TANGO2: variants seen among roughly 807,000 people sequenced by gnomAD.
TANGO2 encodes transport and golgi organization 2 homolog, also known as transport and Golgi organization protein 2 homolog.
In TANGO2, 26 loss-of-function variants were observed where a neutral mutation model predicts 39.1. The ratio of observed to expected loss-of-function variants is 0.67; its 90% confidence interval spans 0.49 to 0.92. The LOEUF (loss-of-function observed/expected upper bound fraction) is 0.92, where lower values mean the gene tolerates loss of function less well. Among genes scored for constraint, TANGO2 ranks in the 40% least tolerant of loss-of-function variants. The probability of loss-of-function intolerance (pLI) is 0.00; values close to 1 mark genes in which losing one functional copy is unlikely to be tolerated. For synonymous variants in TANGO2, 131 were observed against 144.5 expected (o/e 0.91, Z 0.67); for missense variants, 326 against 360.1 (o/e 0.91, Z 0.77).
Position 20,044,078 on chromosome 22 carries a change from G to A in TANGO2, c.145+635G>A, listed in dbSNP as rs189381263. ...GGTGGTGGGAGTCTACCTGGAAGGTGCGCATAGATGGCTGGTGAGGCCACG... is the reference window on the plus strand; with the variant it reads ...GGTGGTGGGAGTCTACCTGGAAGGTACGCATAGATGGCTGGTGAGGCCACG... On this transcript the variant is annotated intron_variant, in intron 3 of 8. Transcript: ENST00000327374. Among the ~76,000 whole-genome samples, 5 of 152,292 alleles carry A rather than the reference G, an allele frequency of 3.3e-5. No homozygotes were observed. The East Asian group carries it at 7.7e-4, about 24-fold the overall frequency.
intron 3 of TANGO2, among the ~76,000 whole-genome samples, chr22:20,046,002 T>C (rs1432953856): frequency 6.6e-6 from 1 of 152,118 alleles, no homozygotes; most frequent in Non-Finnish European, 1.5e-5. Flanking sequence ...GTGTGAGCAC[T>C]GGTGGTTCTT....
chr22:20,031,560 T>C (rs1413980766), intron 1 of TANGO2, among the ~76,000 whole-genome samples: 1 of 152,210 alleles, frequency 6.6e-6, no homozygotes, highest in Non-Finnish European at 1.5e-5. Context: ...CTGGGCTACA[T>C]ATCTGGGCTC....
chr22:20,043,283 T>C, intron 2 of TANGO2, 72 bp from the exon 3 acceptor site: 3 of 1,162,394 alleles, frequency 2.6e-6, no homozygotes, highest in Non-Finnish European at 2.6e-6. Flanking sequence ...GCCAGTTTTG[T>C]GTGTGAAAAG....
intron 1 of TANGO2, among the ~76,000 whole-genome samples, chr22:20,036,164 C>T (rs2042813078): frequency 1.3e-5 from 2 of 152,044 alleles, no homozygotes; most frequent in African/African-American, 4.8e-5. Context: ...AAGACAAGCC[C>T]CCAAAAAAAC....
chr22:20,055,828 A>T, intron 5 of TANGO2, 115 bp from the exon 6 acceptor site: 1 of 922,248 alleles, frequency 1.1e-6, no homozygotes. Context: ...ACCTGGCCGC[A>T]GCGGGCTACT....
intron 3 of TANGO2, among the ~76,000 whole-genome samples, chr22:20,044,805 G>C (rs961956293): frequency 1.3e-5 from 2 of 152,196 alleles, no homozygotes; most frequent in Admixed American, 1.3e-4. Context: ...AGATGAAGAT[G>C]TGGCGGCTCA....
chr22:20,035,977 T>A (rs1256231762), intron 1 of TANGO2, among the ~76,000 whole-genome samples: 1 of 152,176 alleles, frequency 6.6e-6, no homozygotes, highest in Non-Finnish European at 1.5e-5. Flanking sequence ...CCGCACTTAG[T>A]TGCCTTCACC....
At chr22:20,058,641 CAA>C (rs695705) in intron 6 of TANGO2, among the ~76,000 whole-genome samples, 67 of 106,518 alleles carry the variant, frequency 6.3e-4, no homozygotes, top group African/African-American at 2.1e-3. Context: ...GATTGCATCT[CAA>C]AAAAAAAAAA....
upstream of TANGO2, among the ~76,000 whole-genome samples, chr22:20,017,468 C>G (rs1486058346): frequency 6.6e-6 from 1 of 152,098 alleles, no homozygotes; most frequent in Non-Finnish European, 1.5e-5. Flanking sequence ...GAAGGGACCC[C>G]CTCGGTAAAC....
rs2047514391 is a variant in TANGO2, at chr22:20,057,093, AC to A, written c.451+1082del. ...GTGAGGTTGCAGGTCACAGGTGCACACCTTCCCACTGGGTGTACACGGTGGA... is the reference window on the plus strand; with the variant it reads ...GTGAGGTTGCAGGTCACAGGTGCACACTTCCCACTGGGTGTACACGGTGGA... On this transcript the variant is annotated intron_variant, in intron 6 of 8. Coordinates refer to ENST00000327374, the MANE Select transcript of TANGO2 (RefSeq NM_152906.7). The surrounding 1 kb of genome is among the most constrained non-coding windows in gnomAD (Gnocchi z 4.1). 2.5e-6 allele frequency: 1 copy of A among 404,384 alleles called. No homozygotes were observed. 25.0% of individuals were successfully genotyped at this position (404,384 alleles called of 1,614,324 possible).
chr22:20,056,606 C>A, intron 6 of TANGO2: 1 of 456,692 alleles, frequency 2.2e-6, no homozygotes, highest in Non-Finnish European at 4.4e-6. Flanking sequence ...TCGGGTGCTG[C>A]GATTTCCTGG....
chr22:20,043,590 C>G (rs2044437215), intron 3 of TANGO2, 147 bp downstream of exon 3: 1 of 599,722 alleles, frequency 1.7e-6, no homozygotes, highest in Non-Finnish European at 2.9e-6. Context: ...TGGTCGGGGC[C>G]AGCCCCAGCA....
Position 20,052,625 on chromosome 22 carries a change from G to T in TANGO2, c.265+41G>T, listed in dbSNP as rs746539414. The T allele has an allele frequency of 7.8e-6, 12 of 1,543,528 alleles. No homozygotes were observed. The East Asian group carries it at 2.0e-4, about 25-fold the overall frequency. On this transcript the variant is annotated intron_variant, in intron 4 of 8. Coordinates refer to ENST00000327374, the MANE Select transcript of TANGO2 (RefSeq NM_152906.7). ...TGGGGCCAAGGTGAGACAGGGTGGG[G>T]TGGGGCAGGCCTAGGTGAGACAAGG...
rs558413141 is a variant in TANGO2, at chr22:20,026,268, C to T, written c.-40+5022C>T. Among the ~76,000 whole-genome samples the T allele has an allele frequency of 6.0e-4, 92 of 152,284 alleles. 1 individual carries two copies. Among genetic ancestry groups the T allele is most frequent in the Non-Finnish European group, 6.2e-4 (42 of 68,034 alleles). ...CAAAAATTAGCCAGGCATGGTGGCA[C>T]GCACCTGTAATGACAGTTACTTGGG... On this transcript the variant is annotated intron_variant, in intron 1 of 8. Coordinates refer to ENST00000327374, the MANE Select transcript of TANGO2 (RefSeq NM_152906.7).
Position 20,061,699 on chromosome 22 carries a change from C to T in TANGO2, c.605+16C>T. 6.5e-7 allele frequency: 1 copy of T among 1,535,744 alleles called. No homozygotes were observed. The highest frequency in any genetic ancestry group is 8.8e-7 in the Non-Finnish European group (1 of 1,137,248). ...ATGAAGAGGCGTGAGTGGGCGGGTCCTGCTGGGGTGAGCCCCAGTGTCCCG... is the reference window on the plus strand; with the variant it reads ...ATGAAGAGGCGTGAGTGGGCGGGTCTTGCTGGGGTGAGCCCCAGTGTCCCG... On this transcript the variant is annotated intron_variant, in intron 7 of 8. Coordinates refer to ENST00000327374, the MANE Select transcript of TANGO2 (RefSeq NM_152906.7).
In TANGO2 at chr22:20,051,933, C is replaced by T. The variant is rs191604333; in HGVS notation, c.146-532C>T. Among the ~76,000 whole-genome samples the T allele has an allele frequency of 2.7e-4, 41 of 152,284 alleles. No individual in the cohort carries two copies. In the East Asian group the frequency reaches 7.3e-3, roughly 27 times the overall value. ...GCCCCAATCTTTGGGTAAAATGACC[C>T]CCTGGTCTAAGAAGGAGCCCTCCTG... On this transcript the variant is annotated intron_variant, in intron 3 of 8. Transcript: ENST00000327374.
chr22:20,045,704 T>A (rs1318607574), intron 3 of TANGO2, among the ~76,000 whole-genome samples: 1 of 151,994 alleles, frequency 6.6e-6, no homozygotes, highest in Non-Finnish European at 1.5e-5. Flanking sequence ...GGTTTCTCCA[T>A]GTTGGTCAGG....
At chr22:20,060,993 C>T (rs1042096245) in intron 6 of TANGO2, among the ~76,000 whole-genome samples, 2 of 152,100 alleles carry the variant, frequency 1.3e-5, no homozygotes, top group Non-Finnish European at 2.9e-5. Context: ...TGTGCAGAGC[C>T]CCCCGGCTCT....
intron 1 of TANGO2, among the ~76,000 whole-genome samples, chr22:20,029,152 ATTC>A (rs1254355133): frequency 1.3e-5 from 2 of 152,168 alleles, no homozygotes; most frequent in Admixed American, 6.5e-5. Flanking sequence ...CTGGAGTCTC[ATTC>A]TTCTTAGAGA....
Sources: gnomAD v4.1 joint callset for allele counts (sites outside exome capture counted in the v4.1 genomes callset) on GRCh38, gnomAD v4.1.1 for gene constraint, Gnocchi (gnomAD v3.1) non-coding constraint, MANE v1.5 for transcripts, NCBI Gene and HGNC (gene_info 2026-07-23, HGNC 2026-07-21) for gene names.